Variants in ADGRL3 observed in about 807,000 individuals in gnomAD.
The protein encoded by ADGRL3 is calcium-independent alpha-latrotoxin receptor 3.
ADGRL3 carries 62 observed loss-of-function variants against 153.5 expected under a neutral mutation model. The ratio of observed to expected loss-of-function variants is 0.40; its 90% confidence interval spans 0.33 to 0.50. ADGRL3 has a LOEUF of 0.50. ADGRL3 is among the 20% of genes least tolerant of loss of function. The pLI, the probability that ADGRL3 is intolerant of heterozygous loss-of-function variation, is 0.47. For missense variants in ADGRL3, 1,641 were observed against 1,859.4 expected, an observed-to-expected ratio of 0.88 and a Z score of 2.16; for synonymous variants, 710 against 672.5, an observed-to-expected ratio of 1.06 and a Z score of -0.86.
At chr4:61,669,203 G>T (rs114307650) in intron 5 of ADGRL3, among the ~76,000 whole-genome samples, 3,310 of 152,084 alleles carry the variant, frequency 0.022, 44 homozygotes, top group Non-Finnish European at 0.035. Flanking sequence ...TTATTTCATA[G>T]CCATTTAGTC....
chr4:61,648,052 CAT>C (rs1281264596), intron 5 of ADGRL3, among the ~76,000 whole-genome samples: 1 of 152,082 alleles, frequency 6.6e-6, no homozygotes, highest in Non-Finnish European at 1.5e-5. Context: ...TTTTATTTCT[CAT>C]AATAATTCTT....
At chr4:61,481,102 G>C (rs1042960780) in intron 2 of ADGRL3, among the ~76,000 whole-genome samples, 3 of 152,076 alleles carry the variant, frequency 2.0e-5, no homozygotes, top group South Asian at 2.1e-4. Context: ...GGCAGCCAGG[G>C]TTTCAAATTA....
chr4:61,334,910 C>T (rs2095646547), intron 1 of ADGRL3, among the ~76,000 whole-genome samples: 1 of 151,846 alleles, frequency 6.6e-6, no homozygotes, highest in South Asian at 2.1e-4. Flanking sequence ...TGTATCTTAC[C>T]ATGATGTTGA....
chr4:62,026,475 G>A lies in ADGRL3; in HGVS notation c.3396-2380G>A, dbSNP rs560980869. Among the ~76,000 whole-genome samples the A allele has an allele frequency of 2.0e-5, 3 of 152,192 alleles. No individual in the cohort carries two copies. In the South Asian group the frequency reaches 6.2e-4, roughly 32 times the overall value. On this transcript the variant is annotated intron_variant, in intron 21 of 26. Transcript: ENST00000683033. ...GTTGCTGTTGTCTTTATTAAATGGA[G>A]CAACTAAATGGTCCCCACCAGTTGA...
chr4:61,377,318 T>C (rs2096615470), intron 1 of ADGRL3, among the ~76,000 whole-genome samples: 1 of 152,072 alleles, frequency 6.6e-6, no homozygotes, highest in South Asian at 2.1e-4. Context: ...AGTATTTATG[T>C]AAACAAAACT....
chr4:61,656,473 T>C lies in ADGRL3; in HGVS notation c.474-20353T>C, dbSNP rs546140989. Among the ~76,000 whole-genome samples the C allele has an allele frequency of 3.9e-5, 6 of 152,242 alleles. No homozygotes were observed. In the South Asian group the frequency reaches 1.0e-3, roughly 26 times the overall value. On this transcript the variant is annotated intron_variant, in intron 5 of 26. Coordinates refer to ENST00000683033, the MANE Select transcript of ADGRL3 (RefSeq NM_001387552.1). Reference sequence around the variant, plus strand: ...TAGGGTAAATACTTATTGAGACCAATATTCCTTAGTTTTGGAATCCAAGCT... The same window carrying C: ...TAGGGTAAATACTTATTGAGACCAACATTCCTTAGTTTTGGAATCCAAGCT...
chr4:61,945,559 C>T (rs1435965463), intron 15 of ADGRL3, among the ~76,000 whole-genome samples: 1 of 135,596 alleles, frequency 7.4e-6, no homozygotes, highest in Middle Eastern at 3.7e-3. Context: ...GCAGTTTGAT[C>T]TCAGACTGCT....
intron 1 of ADGRL3, among the ~76,000 whole-genome samples, chr4:61,328,900 A>G (rs1183678968): frequency 6.6e-6 from 1 of 152,176 alleles, no homozygotes. Flanking sequence ...AATAGTGTGC[A>G]GTGATTCGTC....
At chr4:61,731,114 T>C (rs1301414015) in intron 7 of ADGRL3, among the ~76,000 whole-genome samples, 1 of 151,992 alleles carries the variant, frequency 6.6e-6, no homozygotes, top group Non-Finnish European at 1.5e-5. Context: ...TACTTATCCT[T>C]TATAATTATA....
intron 8 of ADGRL3, among the ~76,000 whole-genome samples, chr4:61,773,670 T>C (rs1281632580): frequency 2.0e-5 from 3 of 152,186 alleles, no homozygotes; most frequent in Non-Finnish European, 4.4e-5. Context: ...AAACCCTTTT[T>C]CCTTCTAACT....
In ADGRL3 at chr4:62,070,495, A is replaced by G. The variant is rs1259884787; in HGVS notation, c.4219A>G (p.Arg1407Gly). The change falls in exon 27 of 27, where the codon AGA (arginine) becomes GGA (glycine). Residue 1407 changes from arginine to glycine, a missense_variant. By Grantham distance (125) the Arg-to-Gly change is moderately radical (BLOSUM62 -2). This residue lies in a region of ADGRL3 where 517 missense variants were observed against 555.0 expected (regional missense o/e 0.93). Transcript: ENST00000683033. ...ATCTGATGCTCCTTTGCTGCCCCCAAGAGTATACTCCACCGAGAACCACCA... is the reference window on the plus strand; with the variant it reads ...ATCTGATGCTCCTTTGCTGCCCCCAGGAGTATACTCCACCGAGAACCACCA... Reference protein sequence around the residue: ...EESDAPLLPPRVYSTENHQPH... With the variant: ...EESDAPLLPPGVYSTENHQPH... 5 of 1,547,678 alleles carry G rather than the reference A, an allele frequency of 3.2e-6. No homozygotes were observed. The Admixed American group carries it at 7.9e-5, about 24-fold the overall frequency.
At chr4:61,988,105 G>A (rs1238038559) in intron 19 of ADGRL3, among the ~76,000 whole-genome samples, 1 of 151,844 alleles carries the variant, frequency 6.6e-6, no homozygotes, top group African/African-American at 2.4e-5. Context: ...ATGTTGTTAG[G>A]GCTATTGAAT....
chr4:62,043,096 C>T (rs1177431541), intron 24 of ADGRL3, among the ~76,000 whole-genome samples: 1 of 151,996 alleles, frequency 6.6e-6, no homozygotes, highest in African/African-American at 2.4e-5. Flanking sequence ...ATTCATCCAT[C>T]CTACCATTGA....
At chr4:61,360,446 C>T (rs2151484476) in intron 1 of ADGRL3, among the ~76,000 whole-genome samples, 1 of 152,160 alleles carries the variant, frequency 6.6e-6, no homozygotes, top group African/African-American at 2.4e-5. Flanking sequence ...GTTTCTATAG[C>T]TACCAAAAAG....
chr4:61,733,482 C>G lies in ADGRL3; in HGVS notation c.1327C>G (p.Leu443Val). Reference protein sequence around the residue: ...AAVDYNPRDNLLYVWNNYHVV... With the variant: ...AAVDYNPRDNVLYVWNNYHVV... ...TGTGGATTACAACCCCAGGGACAAC[C>G]TACTTTATGTATGGAATAACTATCA... Residue 443 changes from leucine to valine, a missense_variant, in exon 8 of 27, where the codon CTA (leucine) becomes GTA (valine). By Grantham distance (32) the Leu-to-Val change is conservative (BLOSUM62 1). Coordinates refer to ENST00000683033, the MANE Select transcript of ADGRL3 (RefSeq NM_001387552.1). 1 of 1,613,636 alleles carries G rather than the reference C, an allele frequency of 6.2e-7. No individual in the cohort carries two copies. Among genetic ancestry groups the G allele is most frequent in the Non-Finnish European group, 8.5e-7 (1 of 1,179,758 alleles).
intron 8 of ADGRL3, among the ~76,000 whole-genome samples, chr4:61,796,669 G>C (rs1012731767): frequency 2.6e-5 from 4 of 151,920 alleles, no homozygotes; most frequent in Admixed American, 6.6e-5. Context: ...TTTTGCTTGA[G>C]TTTTTTTCAT....
At chr4:61,683,759 G>T (rs2095389617) in intron 6 of ADGRL3, among the ~76,000 whole-genome samples, 1 of 152,080 alleles carries the variant, frequency 6.6e-6, no homozygotes, top group Non-Finnish European at 1.5e-5. Flanking sequence ...ACTGTCTTTG[G>T]CTTGGAGGTG....
At chr4:61,540,200 A>G (rs1481664259) in intron 4 of ADGRL3, among the ~76,000 whole-genome samples, 1 of 152,186 alleles carries the variant, frequency 6.6e-6, no homozygotes, top group African/African-American at 2.4e-5. Flanking sequence ...TCTTCCCTCA[A>G]AGTCTGAAAT....
At chr4:61,280,141 G>A (rs1219346486) in intron 1 of ADGRL3, among the ~76,000 whole-genome samples, 3 of 120,762 alleles carry the variant, frequency 2.5e-5, no homozygotes, top group Non-Finnish European at 4.8e-5. Context: ...ACCGAGTCTC[G>A]CTCTGTTGCC....
Sources: gnomAD v4.1 joint callset for allele counts (sites outside exome capture counted in the v4.1 genomes callset) on GRCh38, gnomAD v4.1.1 for gene constraint, gnomAD v4.1.1 regional missense constraint, MANE v1.5 for transcripts, NCBI Gene and HGNC (gene_info 2026-07-23, HGNC 2026-07-21) for gene names.